PDE9A: variants seen among roughly 807,000 people sequenced by gnomAD.
PDE9A encodes the protein high affinity cGMP-specific 3',5'-cyclic phosphodiesterase 9A.
PDE9A carries 60 observed loss-of-function variants against 87.4 expected under a neutral mutation model. The observed-to-expected ratio is 0.69, with a 90% CI of 0.56 to 0.85. The LOEUF (loss-of-function observed/expected upper bound fraction) is 0.85, where lower values mean the gene tolerates loss of function less well. Among genes scored for constraint, PDE9A ranks in the 40% least tolerant of loss-of-function variants. The probability of loss-of-function intolerance (pLI) is 0.00; values close to 1 mark genes in which losing one functional copy is unlikely to be tolerated. For missense variants in PDE9A, 665 were observed against 779.0 expected, an observed-to-expected ratio of 0.85 and a Z score of 1.74; for synonymous variants, 272 against 279.4, an observed-to-expected ratio of 0.97 and a Z score of 0.27.
Position 42,675,595 on chromosome 21 carries a change from G to A in PDE9A, c.70-10597G>A, listed in dbSNP as rs78993200. Reference sequence around the variant, plus strand: ...TTCCGACAGCGCTGTGTGGATACACGGGCCCGAACGGCGCCAGCCTCACTG... The same window carrying A: ...TTCCGACAGCGCTGTGTGGATACACAGGCCCGAACGGCGCCAGCCTCACTG... On this transcript the variant is annotated intron_variant, in intron 1 of 19. Coordinates refer to ENST00000291539, the MANE Select transcript of PDE9A (RefSeq NM_002606.3). The surrounding 1 kb of genome is among the most constrained non-coding windows in gnomAD (Gnocchi z 4.3). Among the ~76,000 whole-genome samples, 105 of 152,332 alleles carry A rather than the reference G, an allele frequency of 6.9e-4. No homozygotes were observed. Among genetic ancestry groups the A allele is most frequent in the South Asian group, 3.9e-3 (19 of 4,830 alleles).
rs1202778193 is a variant in PDE9A at position 42,696,019 on chromosome 21, C to A, written c.219-2949C>A. On this transcript the variant is annotated intron_variant, in intron 3 of 19. Transcript: ENST00000291539. This position sits in a 1 kb window ranked among gnomAD's most constrained non-coding sequence, Gnocchi z 5.1. ...TGGAGCATTCACAGAGGCTCCCTGT[C>A]CGTCCACTTTTCCCTCTGTTGCTGA... Among the ~76,000 whole-genome samples the A allele has an allele frequency of 6.6e-6, 1 of 152,218 alleles. No homozygotes were observed. The highest frequency in any genetic ancestry group is 2.4e-5 in the African/African-American group (1 of 41,458).
chr21:42,654,948 A>G (rs934365251), intron 1 of PDE9A, among the ~76,000 whole-genome samples: 1 of 137,878 alleles, frequency 7.3e-6, no homozygotes, highest in African/African-American at 3.5e-5. Flanking sequence ...AGTGCTGGGC[A>G]GCTGGGCAGC....
In PDE9A at chr21:42,669,982, GATA is replaced by G. The variant is rs74266427; in HGVS notation, c.69+16102_69+16104del. On this transcript the variant is annotated intron_variant, in intron 1 of 19. Coordinates refer to ENST00000291539, the MANE Select transcript of PDE9A (RefSeq NM_002606.3). Reference sequence around the variant, plus strand: ...TTCAAGGTGTGCTTTAAGGATCCAAGATAATGTGGGTGCTTCAACAGATGCATG... The same window carrying G: ...TTCAAGGTGTGCTTTAAGGATCCAAGATGTGGGTGCTTCAACAGATGCATG... 5.7e-3 allele frequency among the ~76,000 whole-genome samples: 861 copies of G among 152,272 alleles called. 6 individuals carry two copies. Among genetic ancestry groups the G allele is most frequent in the Non-Finnish European group, 9.0e-3 (612 of 68,022 alleles).
At chr21:42,726,624 A>ATATATATTTTTTTT in intron 4 of PDE9A, among the ~76,000 whole-genome samples, 12 of 19,778 alleles carry the variant, frequency 6.1e-4, no homozygotes, top group East Asian at 1.8e-3. Context: ...ATATATATAT[A>ATATATATTTTTTTT]TTTTTTTTTT....
Position 42,723,984 on chromosome 21 carries a change from A to G in PDE9A, c.263-7786A>G, listed in dbSNP as rs1006277262. Among the ~76,000 whole-genome samples the G allele has an allele frequency of 6.6e-6, 1 of 152,226 alleles. No homozygotes were observed. Among genetic ancestry groups the G allele is most frequent in the Non-Finnish European group, 1.5e-5 (1 of 68,026 alleles). ...GAGGGAGGTGTCACACATAATATCAAATTTGGCTGACACAAGGTGATTTTG... is the reference window on the plus strand; with the variant it reads ...GAGGGAGGTGTCACACATAATATCAGATTTGGCTGACACAAGGTGATTTTG... On this transcript the variant is annotated intron_variant, in intron 4 of 19. Transcript: ENST00000291539. The surrounding 1 kb of genome is among the most constrained non-coding windows in gnomAD (Gnocchi z 4.3).
At chr21:42,727,743 G>A (rs527533045) in intron 4 of PDE9A, among the ~76,000 whole-genome samples, 2 of 152,100 alleles carry the variant, frequency 1.3e-5, no homozygotes, top group African/African-American at 4.8e-5. Context: ...TGCTAAACTC[G>A]CTTCTTAGTT....
chr21:42,675,156 C>A lies in PDE9A; in HGVS notation c.70-11036C>A, dbSNP rs1230265589. 6.6e-6 allele frequency among the ~76,000 whole-genome samples: 1 copy of A among 152,224 alleles called. No homozygotes were observed. Among genetic ancestry groups the A allele is most frequent in the Non-Finnish European group, 1.5e-5 (1 of 68,046 alleles). Reference sequence around the variant, plus strand: ...GGCTTTCTTTCACATAATTTTGTGTCCTGATCATTTTCACTCAGCATTACA... The same window carrying A: ...GGCTTTCTTTCACATAATTTTGTGTACTGATCATTTTCACTCAGCATTACA... On this transcript the variant is annotated intron_variant, in intron 1 of 19. Coordinates refer to ENST00000291539, the MANE Select transcript of PDE9A (RefSeq NM_002606.3). This position sits in a 1 kb window ranked among gnomAD's most constrained non-coding sequence, Gnocchi z 4.3.
intron 3 of PDE9A, chr21:42,697,299 T>G: frequency 5.7e-6 from 4 of 697,956 alleles, no homozygotes; most frequent in Non-Finnish European, 1.0e-5. Flanking sequence ...TGTTTAAAAT[T>G]GTAAAGATTT....
intron 8 of PDE9A, among the ~76,000 whole-genome samples, chr21:42,748,433 A>G (rs1193256434): frequency 6.6e-6 from 1 of 152,250 alleles, no homozygotes; most frequent in Non-Finnish European, 1.5e-5. Context: ...AGGGCTACCA[A>G]ATGGATCTCC....
At position 42,767,058 on chromosome 21, in the gene PDE9A, G is replaced by C. The variant is rs542043631; in HGVS notation, c.1357-1130G>C. ...TCCGTTTATCCCAACGACCTGCACC[G>C]CGGGGTCAGATGACAAGCAGCACGG... On this transcript the variant is annotated intron_variant, in intron 15 of 19. Coordinates refer to ENST00000291539, the MANE Select transcript of PDE9A (RefSeq NM_002606.3). Among the ~76,000 whole-genome samples, 8 of 152,120 alleles carry C rather than the reference G, an allele frequency of 5.3e-5. No individual in the cohort carries two copies. The South Asian group carries it at 1.7e-3, about 32-fold the overall frequency.
At chr21:42,708,996 T>C (rs35186035) in intron 4 of PDE9A, among the ~76,000 whole-genome samples, 9,820 of 152,234 alleles carry the variant, frequency 0.065, 647 homozygotes, top group African/African-American at 0.17. Flanking sequence ...TAAAGATATA[T>C]CTACATGTAT....
At chr21:42,672,324 G>A (rs561278145) in intron 1 of PDE9A, among the ~76,000 whole-genome samples, 128 of 152,334 alleles carry the variant, frequency 8.4e-4, no homozygotes, top group Admixed American at 1.4e-3. Context: ...GTCTGTCCTC[G>A]TCTGTGGGGG....
At chr21:42,753,686 A>G (rs900818572) in intron 9 of PDE9A, among the ~76,000 whole-genome samples, 1 of 151,720 alleles carries the variant, frequency 6.6e-6, no homozygotes, top group South Asian at 2.1e-4. Context: ...AACATCGTGA[A>G]CTCCCCATCT....
intron 4 of PDE9A, among the ~76,000 whole-genome samples, chr21:42,713,508 T>G (rs1017215589): frequency 6.6e-6 from 1 of 152,236 alleles, no homozygotes; most frequent in African/African-American, 2.4e-5. Context: ...AAATGGGATA[T>G]TGATTTGTAA....
At chr21:42,768,522 CCT>C (rs2056616338) in intron 16 of PDE9A, 1 of 1,302,496 alleles carries the variant, frequency 7.7e-7, no homozygotes, top group South Asian at 2.2e-5. Flanking sequence ...AAAACTGTCA[CCT>C]GTCACTGCTA....
rs753091146 is a variant in PDE9A at position 42,733,400 on chromosome 21, T to C, written c.542T>C (p.Leu181Ser). Reference protein sequence around the residue: ...NELKAEVANHLAVLEKRVELE... With the variant: ...NELKAEVANHSAVLEKRVELE... ...CTGAAAGCTGAAGTTGCAAATCACT[T>C]GGCTGTCCTAGAGAAACGCGTGGAA... Residue 181 changes from leucine (L) to serine (S), a missense_variant, in exon 7 of 20, where the codon TTG becomes TCG. By Grantham distance (145) the Leu-to-Ser change is moderately radical. Transcript: ENST00000291539. 28 of 1,605,670 alleles carry C rather than the reference T, an allele frequency of 1.7e-5. No individual in the cohort carries two copies. Among genetic ancestry groups the C allele is most frequent in the Non-Finnish European group, 2.4e-5 (28 of 1,172,152 alleles).
chr21:42,725,087 G>A (rs188821419), intron 4 of PDE9A, among the ~76,000 whole-genome samples: 1 of 152,286 alleles, frequency 6.6e-6, no homozygotes, highest in East Asian at 1.9e-4. Flanking sequence ...GTCACAGCCT[G>A]GCATTGACCG....
intron 1 of PDE9A, among the ~76,000 whole-genome samples, chr21:42,663,089 G>A (rs946946917): frequency 3.9e-5 from 5 of 127,440 alleles, no homozygotes; most frequent in Non-Finnish European, 8.2e-5. Flanking sequence ...TCACACACAA[G>A]AATGCACACC....
In PDE9A at chr21:42,666,530, A is replaced by G. The variant is rs566735052; in HGVS notation, c.69+12647A>G. Among the ~76,000 whole-genome samples, 6 of 152,296 alleles carry G rather than the reference A, an allele frequency of 3.9e-5. No individual in the cohort carries two copies. The South Asian group carries it at 1.2e-3, about 32-fold the overall frequency. ...TGTGCATCCGGCGTCACAAAGGACC[A>G]CAGGCCCGGCGGCCTCCACAGCAGA... On this transcript the variant is annotated intron_variant, in intron 1 of 19. Transcript: ENST00000291539.
Sources: gnomAD v4.1 joint callset for allele counts (sites outside exome capture counted in the v4.1 genomes callset) on GRCh38, gnomAD v4.1.1 for gene constraint, Gnocchi (gnomAD v3.1) non-coding constraint, MANE v1.5 for transcripts, NCBI Gene and HGNC (gene_info 2026-07-23, HGNC 2026-07-21) for gene names.